Variants in TRIM37 observed in about 807,000 individuals in gnomAD.
TRIM37 encodes E3 ubiquitin-protein ligase TRIM37.
TRIM37 carries 80 observed loss-of-function variants against 129.8 expected under a neutral mutation model. The observed-to-expected ratio is 0.62, with a 90% CI of 0.51 to 0.74. TRIM37 has a LOEUF of 0.74. Ranked by LOEUF, TRIM37 falls within the 30% of genes least tolerant of loss-of-function variation. TRIM37 has a pLI of 0.00. For missense variants in TRIM37, 1,054 were observed against 1,176.5 expected, an observed-to-expected ratio of 0.90 and a Z score of 1.52; for synonymous variants, 389 against 387.1, an observed-to-expected ratio of 1.00 and a Z score of -0.06.
At chr17:59,074,126 G>A (rs1197612158) in intron 8 of TRIM37, among the ~76,000 whole-genome samples, 1 of 152,176 alleles carries the variant, frequency 6.6e-6, no homozygotes, top group Non-Finnish European at 1.5e-5. Flanking sequence ...ATAAACACAT[G>A]ATTAATGCTT....
chr17:59,036,348 A>G (rs2038477115), intron 17 of TRIM37, among the ~76,000 whole-genome samples: 1 of 152,180 alleles, frequency 6.6e-6, no homozygotes, highest in Non-Finnish European at 1.5e-5. Context: ...TTTATGTTAA[A>G]AAAAATTTGT....
the TRIM37 span, among the ~76,000 whole-genome samples, chr17:58,977,512 G>A: frequency 1.3e-5 from 2 of 151,880 alleles, no homozygotes; most frequent in Non-Finnish European, 2.9e-5. Context: ...ATGAGAGGTT[G>A]TGTTTGTGAA....
intron 18 of TRIM37, among the ~76,000 whole-genome samples, chr17:59,029,290 T>C (rs985420039): frequency 6.6e-5 from 10 of 152,302 alleles, no homozygotes; most frequent in African/African-American, 2.4e-4. Flanking sequence ...TATTAGAACT[T>C]CCATTTCTGA....
chr17:59,063,201 C>G (rs2041645579), intron 10 of TRIM37, among the ~76,000 whole-genome samples: 1 of 150,374 alleles, frequency 6.7e-6, no homozygotes. Context: ...TTTTTTCAGA[C>G]AGAGTTTTAC....
At chr17:59,077,398 TTAAAA>T (rs1264167867) in intron 7 of TRIM37, among the ~76,000 whole-genome samples, 27 of 151,752 alleles carry the variant, frequency 1.8e-4, no homozygotes, top group African/African-American at 4.8e-4. Context: ...GCAAAAAGAG[TTAAAA>T]TAAAGTATTA....
chr17:59,090,903 G>A (rs1033476190), intron 3 of TRIM37, among the ~76,000 whole-genome samples: 25 of 152,258 alleles, frequency 1.6e-4, no homozygotes, highest in Non-Finnish European at 2.8e-4. Context: ...TGGGATTACA[G>A]GTATGAGCGA....
chr17:59,096,877 C>T (rs1309909861), intron 2 of TRIM37, among the ~76,000 whole-genome samples: 2 of 152,028 alleles, frequency 1.3e-5, no homozygotes, highest in African/African-American at 2.4e-5. Context: ...GGGAAATCCT[C>T]AACAAAATCC....
At chr17:59,094,627 A>C (rs1185484039) in intron 2 of TRIM37, among the ~76,000 whole-genome samples, 1 of 152,118 alleles carries the variant, frequency 6.6e-6, no homozygotes, top group Non-Finnish European at 1.5e-5. Flanking sequence ...AAAAAAAACA[A>C]ACTGGCTGCT....
intron 18 of TRIM37, 135 bp downstream of exon 18, chr17:59,031,761 T>A (rs980510193): frequency 1.1e-6 from 1 of 895,792 alleles, no homozygotes; most frequent in East Asian, 2.6e-5. Context: ...GACATAAATG[T>A]CATTTTTATG....
rs770703421 is a variant in TRIM37 at position 59,081,137 on chromosome 17, C to A, written c.452G>T (p.Arg151Leu). The change falls in exon 6 of 24, where the codon CGT becomes CTT. Residue 151 changes from arginine (R) to leucine (L), a missense_variant. Transcript: ENST00000262294. ...GCTGATCAGTTCCATGAGACGCCGA[C>A]GAAGTTTGGCTACCTCTTCATTCAC... ...TKVNEEVAKLRRRLMELISLV... is the reference protein window; with the variant it reads ...TKVNEEVAKLLRRLMELISLV... 6.2e-7 allele frequency: 1 copy of A among 1,613,622 alleles called. No homozygotes were observed.
At chr17:59,097,423 C>A (rs1192908440) in intron 2 of TRIM37, among the ~76,000 whole-genome samples, 1 of 152,018 alleles carries the variant, frequency 6.6e-6, no homozygotes, top group Non-Finnish European at 1.5e-5. Context: ...AGCTAATAAA[C>A]ACAACAGTTA....
chr17:58,994,652 G>A (rs2032790787), downstream of TRIM37, among the ~76,000 whole-genome samples: 1 of 152,148 alleles, frequency 6.6e-6, no homozygotes, highest in Admixed American at 6.5e-5. Flanking sequence ...TTATATAGGG[G>A]ACTTGAGCAT....
rs886044533 is a variant in TRIM37 at position 59,079,857 on chromosome 17, T to G, written c.513A>C (p.Val171=). The G allele has an allele frequency of 1.9e-6, 3 of 1,614,008 alleles. No homozygotes were observed. The highest frequency in any genetic ancestry group is 4.5e-5 in the East Asian group (2 of 44,856). The part of the protein sequence containing the change: ...VQEVERNVEA[V]RNAKDERVRE... Reference sequence around the variant, plus strand: ...GAACACGCTCATCTTTTGCATTTCTTACAGCTTCTACATTCCTTTCCTAGA... The same window carrying G: ...GAACACGCTCATCTTTTGCATTTCTGACAGCTTCTACATTCCTTTCCTAGA... Residue 171 remains valine (V), a synonymous_variant, in exon 7 of 24, where the codon GTA becomes GTC. Transcript: ENST00000262294.
chr17:58,985,164 G>A (rs2031681140), intron 24 of TRIM37: 1 of 152,456 alleles, frequency 6.6e-6, no homozygotes, highest in Non-Finnish European at 1.5e-5. Flanking sequence ...AATAAAACCT[G>A]GCAATTTAAA....
chr17:59,025,017 G>A (rs970315591), intron 19 of TRIM37, among the ~76,000 whole-genome samples: 1 of 152,158 alleles, frequency 6.6e-6, no homozygotes, highest in Non-Finnish European at 1.5e-5. Flanking sequence ...GACAAATACT[G>A]GGTTAAACAA....
At chr17:59,039,044 T>C (rs1041788622) in intron 17 of TRIM37, among the ~76,000 whole-genome samples, 2 of 152,286 alleles carry the variant, frequency 1.3e-5, no homozygotes, top group East Asian at 1.9e-4. Flanking sequence ...AGGCTGAGCA[T>C]TGAGTGCCTT....
chr17:58,988,301 C>T (rs182322871), intron 24 of TRIM37, among the ~76,000 whole-genome samples: 559 of 152,244 alleles, frequency 3.7e-3, no homozygotes, highest in Non-Finnish European at 5.7e-3. Flanking sequence ...GAAGTGTCGG[C>T]TGTGACACAC....
the TRIM37 span, among the ~76,000 whole-genome samples, chr17:58,974,188 AT>A: frequency 2.0e-5 from 3 of 152,008 alleles, no homozygotes; most frequent in African/African-American, 7.3e-5. Context: ...TCAAATCAGT[AT>A]TTTTCAGAGA....
chr17:59,081,970 T>TAAAAAA (rs2043336999), intron 5 of TRIM37, among the ~76,000 whole-genome samples: 1 of 121,398 alleles, frequency 8.2e-6, no homozygotes, highest in African/African-American at 3.3e-5. Context: ...AAAAAAATAA[T>TAAAAAA]AATAATAATA....
Sources: allele counts gnomAD v4.1 joint callset (sites outside exome capture counted in the v4.1 genomes callset), GRCh38; gene constraint gnomAD v4.1.1; transcripts MANE v1.5; gene names NCBI Gene and HGNC (gene_info 2026-07-23, HGNC 2026-07-21).